The following AGAP1 variants were observed in gnomAD, a reference collection of about 807,000 sequenced individuals.
AGAP1 encodes ArfGAP with GTPase domain, ankyrin repeat and PH domain 1.
A neutral mutation model predicts 105.3 loss-of-function variants in AGAP1; 29 were observed. The ratio of observed to expected loss-of-function variants is 0.28; its 90% CI spans 0.21 to 0.38. The LOEUF is 0.38. Among genes scored for constraint, AGAP1 ranks in the 10% least tolerant of loss-of-function variants. AGAP1 has a pLI of 1.00. For synonymous variants in AGAP1, 509 were observed against 485.9 expected (o/e 1.05, Z -0.63); for missense variants, 998 against 1,165.1 (o/e 0.86, Z 2.09).
intron 16 of AGAP1, among the ~76,000 whole-genome samples, chr2:236,069,642 T>C (rs2058446187): frequency 6.6e-6 from 1 of 151,516 alleles, no homozygotes; most frequent in South Asian, 2.1e-4. Flanking sequence ...CAGGCTGGTC[T>C]TGAACGCCTG....
intron 11 of AGAP1, among the ~76,000 whole-genome samples, chr2:235,917,776 C>T (rs1395712834): frequency 2.0e-5 from 3 of 152,174 alleles, no homozygotes; most frequent in East Asian, 1.9e-4. Flanking sequence ...GAGTGACAGA[C>T]GCACAGAAGT....
At chr2:235,915,457 C>T (rs2051828085) in intron 11 of AGAP1, among the ~76,000 whole-genome samples, 1 of 128,834 alleles carries the variant, frequency 7.8e-6, no homozygotes, top group Non-Finnish European at 1.6e-5. Context: ...GGCAGATCCC[C>T]TGAGCCCAAG....
Position 235,927,226 on chromosome 2 carries a change from G to A in AGAP1, c.1325-3539G>A, listed in dbSNP as rs2052495300. Among the ~76,000 whole-genome samples the A allele has an allele frequency of 6.6e-6, 1 of 152,162 alleles. No homozygotes were observed. The highest frequency in any genetic ancestry group is 1.5e-5 in the Non-Finnish European group (1 of 68,030). On this transcript the variant is annotated intron_variant, in intron 11 of 17. Coordinates refer to ENST00000304032, the MANE Select transcript of AGAP1 (RefSeq NM_001037131.3). This position sits in a 1 kb window ranked among gnomAD's most constrained non-coding sequence, Gnocchi z 4.4. ...TCTGCCGTCAGAAGGATTGTGGATAGCTGGTCTGGTGTCTTCCATCTGGAC... is the reference window on the plus strand; with the variant it reads ...TCTGCCGTCAGAAGGATTGTGGATAACTGGTCTGGTGTCTTCCATCTGGAC...
At chr2:235,694,438 C>A (rs1949897927) in intron 1 of AGAP1, among the ~76,000 whole-genome samples, 1 of 149,136 alleles carries the variant, frequency 6.7e-6, no homozygotes, top group South Asian at 2.1e-4. Context: ...GAGATCGCAC[C>A]ACTGCACTCC....
intron 1 of AGAP1, among the ~76,000 whole-genome samples, chr2:235,568,726 A>C (rs980394671): frequency 6.6e-6 from 1 of 152,240 alleles, no homozygotes; most frequent in African/African-American, 2.4e-5. Context: ...CCTTAAATGC[A>C]TCCACAAAGC....
chr2:235,937,419 T>A (rs1447292309), intron 12 of AGAP1, among the ~76,000 whole-genome samples: 1 of 152,220 alleles, frequency 6.6e-6, no homozygotes, highest in East Asian at 1.9e-4. Context: ...CTTTGTCTCC[T>A]TAGTTCCTTC....
chr2:235,699,146 TC>T (rs886183924), intron 1 of AGAP1, among the ~76,000 whole-genome samples: 2 of 149,272 alleles, frequency 1.3e-5, no homozygotes, highest in Non-Finnish European at 3.0e-5. Context: ...GGGCAGGACG[TC>T]CCTACATGCC....
rs1043022587 is a variant in AGAP1, at chr2:235,752,893, A to G, written c.673+2405A>G. 6.6e-6 allele frequency among the ~76,000 whole-genome samples: 1 copy of G among 152,132 alleles called. No individual in the cohort carries two copies. The highest frequency in any genetic ancestry group is 1.5e-5 in the Non-Finnish European group (1 of 68,030). Reference sequence around the variant, plus strand: ...TATACAACAGACTTTTACTTGTCCTACTTACGGAGGATGGGAGTCCAGGGC... The same window carrying G: ...TATACAACAGACTTTTACTTGTCCTGCTTACGGAGGATGGGAGTCCAGGGC... On this transcript the variant is annotated intron_variant, in intron 6 of 17. Coordinates refer to ENST00000304032, the MANE Select transcript of AGAP1 (RefSeq NM_001037131.3). This position sits in a 1 kb window ranked among gnomAD's most constrained non-coding sequence, Gnocchi z 4.3.
At position 235,934,326 on chromosome 2, in the gene AGAP1, G is replaced by A. The variant is rs555184172; in HGVS notation, c.1483+3403G>A. Among the ~76,000 whole-genome samples, 6 of 152,278 alleles carry A rather than the reference G, an allele frequency of 3.9e-5. No homozygotes were observed. Among genetic ancestry groups the A allele is most frequent in the South Asian group, 2.1e-4 (1 of 4,818 alleles). ...GGACCAAGTGGCATTTGACAGCTCC[G>A]GGGATTTGGCTGGTGATGCAGAATT... On this transcript the variant is annotated intron_variant, in intron 12 of 17. Coordinates refer to ENST00000304032, the MANE Select transcript of AGAP1 (RefSeq NM_001037131.3). The surrounding 1 kb of genome is among the most constrained non-coding windows in gnomAD (Gnocchi z 4.9).
At chr2:236,021,346 A>G (rs865858039) in intron 13 of AGAP1, among the ~76,000 whole-genome samples, 4 of 152,096 alleles carry the variant, frequency 2.6e-5, no homozygotes, top group Admixed American at 2.0e-4. Context: ...CTAGGAGAGG[A>G]AGCCCTCACC....
At position 235,958,366 on chromosome 2, in the gene AGAP1, C is replaced by G. The variant is rs1475605071; in HGVS notation, c.1484-10096C>G. ...AACGGCAGCAGTAACAGCGGGAGTC[C>G]TTGCAGCAGGGAGGCTTGCAGAGAT... On this transcript the variant is annotated intron_variant, in intron 12 of 17. Coordinates refer to ENST00000304032, the MANE Select transcript of AGAP1 (RefSeq NM_001037131.3). The surrounding 1 kb of genome is among the most constrained non-coding windows in gnomAD (Gnocchi z 4.1). Among the ~76,000 whole-genome samples, 1 of 152,002 alleles carries G rather than the reference C, an allele frequency of 6.6e-6. No individual in the cohort carries two copies. Among genetic ancestry groups the G allele is most frequent in the Non-Finnish European group, 1.5e-5 (1 of 67,976 alleles).
intron 1 of AGAP1, among the ~76,000 whole-genome samples, chr2:235,602,515 C>T (rs1945763557): frequency 1.3e-5 from 2 of 152,318 alleles, no homozygotes; most frequent in Admixed American, 6.5e-5. Flanking sequence ...AGCACGCCAG[C>T]CCCAGGGCCT....
intron 1 of AGAP1, among the ~76,000 whole-genome samples, chr2:235,554,673 ATTTC>A (rs1208501734): frequency 2.0e-5 from 3 of 151,990 alleles, no homozygotes; most frequent in East Asian, 1.9e-4. Context: ...TCACGGAACC[ATTTC>A]TTTCTTTCTT....
intron 4 of AGAP1, among the ~76,000 whole-genome samples, chr2:235,742,304 C>T (rs978506711): frequency 2.0e-5 from 3 of 152,158 alleles, no homozygotes; most frequent in African/African-American, 7.2e-5. Context: ...GTTGCATTGA[C>T]TCTGACCATT....
At position 235,608,051 on chromosome 2, in the gene AGAP1, T is replaced by A. The variant is rs1385029505; in HGVS notation, c.164-101128T>A. Among the ~76,000 whole-genome samples the A allele has an allele frequency of 6.6e-6, 1 of 152,208 alleles. No individual in the cohort carries two copies. Among genetic ancestry groups the A allele is most frequent in the Admixed American group, 6.5e-5 (1 of 15,280 alleles). The stretch of plus-strand genomic sequence containing the variant: ...GCTGAAGAGATTACCCCTGACTTCA[T>A]AGTCTGCCTGTCTCAGAGCGTGGGC... On this transcript the variant is annotated intron_variant, in intron 1 of 17. Transcript: ENST00000304032. This position sits in a 1 kb window ranked among gnomAD's most constrained non-coding sequence, Gnocchi z 5.4.
rs1553567079 is a variant in AGAP1, at chr2:236,087,502, G to GA, written c.2115-32687dup. On this transcript the variant is annotated intron_variant, in intron 16 of 17. Coordinates refer to ENST00000304032, the MANE Select transcript of AGAP1 (RefSeq NM_001037131.3). The surrounding 1 kb of genome is among the most constrained non-coding windows in gnomAD (Gnocchi z 5.7). ...CTGTGCCCGCCCCACAGTCCCGGCTGAAATGGCAAATGCGGTGTAGGACTG... is the reference window on the plus strand; with the variant it reads ...CTGTGCCCGCCCCACAGTCCCGGCTGAAAATGGCAAATGCGGTGTAGGACTG... 6.6e-6 allele frequency among the ~76,000 whole-genome samples: 1 copy of GA among 152,170 alleles called. No homozygotes were observed. Among genetic ancestry groups the GA allele is most frequent in the Non-Finnish European group, 1.5e-5 (1 of 68,036 alleles).
At chr2:235,709,092 C>T (rs3754669) in intron 1 of AGAP1, 87 bp from the exon 2 acceptor site, 182,393 of 1,301,922 alleles carry the variant, frequency 0.14, 16,195 homozygotes, top group Admixed American at 0.38. Context: ...CAGTGACCTT[C>T]GGATGTGAAA....
chr2:235,633,534 A>G lies in AGAP1; in HGVS notation c.164-75645A>G, dbSNP rs958957908. On this transcript the variant is annotated intron_variant, in intron 1 of 17. Transcript: ENST00000304032. The surrounding 1 kb of genome is among the most constrained non-coding windows in gnomAD (Gnocchi z 4.8). ...CTCGAACCCAGGAGGAGGAGGTTGC[A>G]GTGAGTCAAGATCGCACCATTGCAC... is the stretch of plus-strand genomic sequence containing the variant. Among the ~76,000 whole-genome samples, 5 of 152,202 alleles carry G rather than the reference A, an allele frequency of 3.3e-5. No homozygotes were observed. Among genetic ancestry groups the G allele is most frequent in the African/African-American group, 1.2e-4 (5 of 41,460 alleles).
chr2:235,603,652 T>C lies in AGAP1; in HGVS notation c.164-105527T>C, dbSNP rs113121670. ...AGATACCTTCTCCTTTCAGTAAAAT[T>C]ATGTTCAGTGCTGTAAATAGGCAAC... On this transcript the variant is annotated intron_variant, in intron 1 of 17. Coordinates refer to ENST00000304032, the MANE Select transcript of AGAP1 (RefSeq NM_001037131.3). Among the ~76,000 whole-genome samples, 22 of 152,326 alleles carry C rather than the reference T, an allele frequency of 1.4e-4. 1 individual carries two copies. The highest frequency in any genetic ancestry group is 5.3e-4 in the African/African-American group (22 of 41,586).
Sources: gnomAD v4.1 joint callset for allele counts (sites outside exome capture counted in the v4.1 genomes callset) on GRCh38, gnomAD v4.1.1 for gene constraint, Gnocchi (gnomAD v3.1) non-coding constraint, MANE v1.5 for transcripts, NCBI Gene and HGNC (gene_info 2026-07-23, HGNC 2026-07-21) for gene names.